KANSL1L: variants seen among roughly 807,000 people sequenced by gnomAD.
The protein encoded by KANSL1L is KAT8 regulatory NSL complex subunit 1 like.
KANSL1L carries 25 observed loss-of-function variants against 108.6 expected under a neutral mutation model. That is an observed-to-expected ratio of 0.23 (90% CI 0.17 to 0.32). The LOEUF (loss-of-function observed/expected upper bound fraction) is 0.32, where lower values mean the gene tolerates loss of function less well. Among genes scored for constraint, KANSL1L ranks in the 10% least tolerant of loss-of-function variants. The pLI, the probability that KANSL1L is intolerant of heterozygous loss-of-function variation, is 1.00. For synonymous variants in KANSL1L, 405 were observed against 395.1 expected, an observed-to-expected ratio of 1.03 and a Z score of -0.30; for missense variants, 1,137 against 1,125.7, an observed-to-expected ratio of 1.01 and a Z score of -0.14.
intron 5 of KANSL1L, chr2:210,088,159 A>T (rs993812142): frequency 6.6e-6 from 1 of 152,170 alleles, no homozygotes; most frequent in African/African-American, 2.4e-5. Context: ...AACCCCTGAG[A>T]ATGTTATCAT....
At chr2:210,157,438 G>A (rs1176016705) in intron 1 of KANSL1L, among the ~76,000 whole-genome samples, 3 of 151,798 alleles carry the variant, frequency 2.0e-5, no homozygotes, top group Non-Finnish European at 4.4e-5. Context: ...GCTCATGCCT[G>A]TAATACAAGC....
At chr2:210,043,754 C>T (rs2094193701) in intron 7 of KANSL1L, 185 bp downstream of exon 7, 4 of 417,000 alleles carry the variant, frequency 9.6e-6, no homozygotes, top group South Asian at 1.5e-4. Flanking sequence ...ACAGATAGAA[C>T]ATTAACCGTG....
intron 6 of KANSL1L, among the ~76,000 whole-genome samples, chr2:210,054,384 A>C (rs1220258512): frequency 6.6e-6 from 1 of 152,008 alleles, no homozygotes; most frequent in Non-Finnish European, 1.5e-5. Flanking sequence ...TTGTATTGGC[A>C]AAAAAGCCCA....
chr2:210,116,116 T>C (rs2094951586), intron 3 of KANSL1L, among the ~76,000 whole-genome samples: 1 of 152,186 alleles, frequency 6.6e-6, no homozygotes, highest in African/African-American at 2.4e-5. Context: ...TGAAGAAGCC[T>C]TGGGCCTTTA....
At chr2:210,160,934 C>T (rs922948972) in intron 1 of KANSL1L, among the ~76,000 whole-genome samples, 2 of 149,578 alleles carry the variant, frequency 1.3e-5, no homozygotes, top group Non-Finnish European at 3.0e-5. Flanking sequence ...AGGATGAACA[C>T]ATATATGGAA....
chr2:210,116,410 C>T (rs1311111583), intron 3 of KANSL1L, among the ~76,000 whole-genome samples: 1 of 152,164 alleles, frequency 6.6e-6, no homozygotes, highest in Non-Finnish European at 1.5e-5. Flanking sequence ...TGAGGAGACA[C>T]AGACGATAGC....
At chr2:210,034,204 A>G (rs560752880) in intron 8 of KANSL1L, among the ~76,000 whole-genome samples, 1 of 152,320 alleles carries the variant, frequency 6.6e-6, no homozygotes, top group Admixed American at 6.5e-5. Flanking sequence ...TGTCGTTTAC[A>G]GGTGTTAAGG....
At chr2:210,132,976 T>C (rs2095135433) in intron 2 of KANSL1L, among the ~76,000 whole-genome samples, 1 of 152,208 alleles carries the variant, frequency 6.6e-6, no homozygotes, top group Non-Finnish European at 1.5e-5. Context: ...TAATTTTTCT[T>C]TTTAACGTAA....
At chr2:210,112,269 T>A (rs1192124880) in intron 3 of KANSL1L, among the ~76,000 whole-genome samples, 1 of 152,094 alleles carries the variant, frequency 6.6e-6, no homozygotes, top group African/African-American at 2.4e-5. Flanking sequence ...TAATAAATGG[T>A]GCTGGGAAAA....
chr2:210,088,429 A>C (rs2094659993), intron 5 of KANSL1L: 1 of 152,228 alleles, frequency 6.6e-6, no homozygotes, highest in African/African-American at 2.4e-5. Context: ...GGAAATACTC[A>C]CCCAATGAAT....
At chr2:210,158,743 T>C (rs1266408661) in intron 1 of KANSL1L, among the ~76,000 whole-genome samples, 1 of 151,756 alleles carries the variant, frequency 6.6e-6, no homozygotes, top group Non-Finnish European at 1.5e-5. Context: ...CTCTCTACTT[T>C]GCAACCAAAA....
At chr2:210,106,641 T>C (rs1189881765) in intron 3 of KANSL1L, among the ~76,000 whole-genome samples, 3 of 151,778 alleles carry the variant, frequency 2.0e-5, no homozygotes, top group Non-Finnish European at 4.4e-5. Flanking sequence ...TCATGGCACA[T>C]GCCTTTGGTC....
intron 2 of KANSL1L, among the ~76,000 whole-genome samples, chr2:210,140,347 A>G (rs1256575713): frequency 1.3e-5 from 2 of 152,204 alleles, no homozygotes; most frequent in African/African-American, 4.8e-5. Context: ...AAGGAGTAAG[A>G]TAAGGGTCCA....
intron 3 of KANSL1L, among the ~76,000 whole-genome samples, chr2:210,121,356 G>A (rs1345238682): frequency 6.6e-6 from 1 of 152,176 alleles, no homozygotes; most frequent in Admixed American, 6.5e-5. Flanking sequence ...AAACACGAAT[G>A]AAGCTGGAGG....
chr2:210,102,151 TC>T (rs1365883622), intron 4 of KANSL1L, among the ~76,000 whole-genome samples: 2 of 152,202 alleles, frequency 1.3e-5, no homozygotes, highest in Non-Finnish European at 1.5e-5. Flanking sequence ...CTGGTCTATA[TC>T]TCTGTTTTGG....
intron 1 of KANSL1L, among the ~76,000 whole-genome samples, chr2:210,155,768 A>G (rs1367423969): frequency 6.6e-6 from 1 of 152,246 alleles, no homozygotes; most frequent in Non-Finnish European, 1.5e-5. Flanking sequence ...TAACAATTAT[A>G]AGCTTTTAAA....
chr2:210,120,157 A>AG (rs1272592556), intron 3 of KANSL1L, among the ~76,000 whole-genome samples: 2 of 152,166 alleles, frequency 1.3e-5, no homozygotes, highest in Admixed American at 6.5e-5. Context: ...TGGGAGGCTC[A>AG]GGCAGGTGGA....
chr2:210,144,381 A>G (rs955169323), intron 2 of KANSL1L, among the ~76,000 whole-genome samples: 16 of 152,144 alleles, frequency 1.1e-4, no homozygotes, highest in African/African-American at 3.4e-4. Flanking sequence ...GTTTTCAATC[A>G]TTATTTCTTT....
In KANSL1L at chr2:210,154,175, C is replaced by A; in HGVS notation, c.408G>T (p.Glu136Asp). Reference protein sequence around the residue: ...LSHSEEFIKKEPLSDTTSQCM... With the variant: ...LSHSEEFIKKDPLSDTTSQCM... ...ACTGGCTCGTGGTATCTGATAGAGG[C>A]TCCTTTTTGATGAACTCTTCAGAAT... Residue 136 changes from glutamate (E) to aspartate (D), a missense_variant, in exon 2 of 15, where the codon GAG becomes GAT. Glu to Asp is a conservative substitution (Grantham distance 45, BLOSUM62 2). This residue lies in a region of KANSL1L where 556 missense variants were observed against 537.7 expected (regional missense o/e 1.03). Transcript: ENST00000281772. 1 of 1,613,932 alleles carries A rather than the reference C, an allele frequency of 6.2e-7. No individual in the cohort carries two copies. Among genetic ancestry groups the A allele is most frequent in the South Asian group, 1.1e-5 (1 of 91,072 alleles).
Sources: gnomAD v4.1 joint callset for allele counts (sites outside exome capture counted in the v4.1 genomes callset) on GRCh38, gnomAD v4.1.1 for gene constraint, gnomAD v4.1.1 regional missense constraint, MANE v1.5 for transcripts, NCBI Gene and HGNC (gene_info 2026-07-23, HGNC 2026-07-21) for gene names.